MAN1A1: variants seen among roughly 807,000 people sequenced by gnomAD.
The protein encoded by MAN1A1 is mannosyl-oligosaccharide 1,2-alpha-mannosidase IA.
A neutral mutation model predicts 70.8 loss-of-function variants in MAN1A1; 29 were observed. That is an observed-to-expected ratio of 0.41 (90% CI 0.31 to 0.56). The LOEUF (loss-of-function observed/expected upper bound fraction) is 0.56. Ranked by LOEUF, MAN1A1 falls within the 20% of genes least tolerant of loss-of-function variation. The pLI is 0.29. For missense variants in MAN1A1, 747 were observed against 841.3 expected (o/e 0.89, Z 1.39); for synonymous variants, 349 against 330.1 (o/e 1.06, Z -0.62).
rs533789029 is a variant in MAN1A1, at chr6:119,339,512, G to A, written c.603+8951C>T. On this transcript the variant is annotated intron_variant, in intron 2 of 12. Transcript: ENST00000368468. Reference sequence around the variant, plus strand: ...ATATATAGTGTGGTTATAACCCGGCGTCGGGGGGTGGGAACGAACTTACAT... The same window carrying A: ...ATATATAGTGTGGTTATAACCCGGCATCGGGGGGTGGGAACGAACTTACAT... 9.9e-5 allele frequency among the ~76,000 whole-genome samples: 15 copies of A among 152,244 alleles called. No individual in the cohort carries two copies. The East Asian group carries it at 2.3e-3, about 23-fold the overall frequency.
intron 2 of MAN1A1, among the ~76,000 whole-genome samples, chr6:119,341,404 A>G (rs1773590898): frequency 6.6e-6 from 1 of 152,166 alleles, no homozygotes; most frequent in African/African-American, 2.4e-5. Context: ...TTCTCATTAG[A>G]GTCAAGATTA....
chr6:119,221,775 T>G (rs1006658062), intron 6 of MAN1A1, among the ~76,000 whole-genome samples: 1 of 152,110 alleles, frequency 6.6e-6, no homozygotes, highest in Non-Finnish European at 1.5e-5. Context: ...TTTCCAAAAC[T>G]TTATTTTTAA....
At chr6:119,229,965 G>A (rs1206360964) in intron 6 of MAN1A1, among the ~76,000 whole-genome samples, 1 of 152,136 alleles carries the variant, frequency 6.6e-6, no homozygotes, top group Non-Finnish European at 1.5e-5. Context: ...AAACTTGCTA[G>A]CTGTGTCAAA....
intron 5 of MAN1A1, among the ~76,000 whole-genome samples, chr6:119,256,495 A>C (rs1455838400): frequency 6.6e-6 from 1 of 151,652 alleles, no homozygotes; most frequent in Admixed American, 6.6e-5. Flanking sequence ...TTAAGGAGGC[A>C]AGATGAAAAA....
chr6:119,257,846 A>C (rs866240117), intron 5 of MAN1A1, among the ~76,000 whole-genome samples: 1 of 152,160 alleles, frequency 6.6e-6, no homozygotes, highest in Admixed American at 6.5e-5. Context: ...TACAGCAAGA[A>C]CACCACAGTA....
At chr6:119,334,470 C>T (rs1253540411) in intron 2 of MAN1A1, among the ~76,000 whole-genome samples, 2 of 152,152 alleles carry the variant, frequency 1.3e-5, no homozygotes, top group Non-Finnish European at 2.9e-5. Context: ...AAGACTAAAA[C>T]AGCCAAAATG....
intron 5 of MAN1A1, among the ~76,000 whole-genome samples, chr6:119,276,166 GTT>G (rs1776058733): frequency 6.6e-6 from 1 of 152,032 alleles, no homozygotes. Flanking sequence ...ACCCTTCTAT[GTT>G]ATTCAGACTG....
chr6:119,330,874 T>C (rs1414200265), intron 2 of MAN1A1, among the ~76,000 whole-genome samples: 1 of 152,142 alleles, frequency 6.6e-6, no homozygotes, highest in Non-Finnish European at 1.5e-5. Flanking sequence ...CAGAGTTATG[T>C]TCTACTCCAG....
intron 5 of MAN1A1, among the ~76,000 whole-genome samples, chr6:119,280,883 G>A (rs927844826): frequency 6.6e-6 from 1 of 152,184 alleles, no homozygotes; most frequent in East Asian, 1.9e-4. Context: ...AATGAGAAGT[G>A]ACTGACCTAG....
chr6:119,242,134 G>GACAGACACACACACAC (rs1554207759), intron 6 of MAN1A1, among the ~76,000 whole-genome samples: 11 of 150,526 alleles, frequency 7.3e-5, no homozygotes, highest in African/African-American at 2.5e-4. Flanking sequence ...CAGACAGACA[G>GACAGACACACACACAC]ACACACACAC....
intron 6 of MAN1A1, among the ~76,000 whole-genome samples, chr6:119,206,248 G>A (rs1165425300): frequency 6.6e-6 from 1 of 152,188 alleles, no homozygotes; most frequent in African/African-American, 2.4e-5. Context: ...GGTCTTAATG[G>A]CTTGTGGAAT....
rs936352321 is a variant in MAN1A1, at chr6:119,193,852, C to T, written c.1251G>A (p.Glu417=). Residue 417 remains glutamate (E), a synonymous_variant, in exon 9 of 13, where the codon GAG becomes GAA. Coordinates refer to ENST00000368468, the MANE Select transcript of MAN1A1 (RefSeq NM_005907.4). ...ACATTAACCAGGCCTTCAGCAAATA[C>T]TCATAGAAGCTGTCTCCAAGTCCTC... ...SVGGLGDSFY[E]YLLKAWLMSD... 5.6e-6 allele frequency: 9 copies of T among 1,613,366 alleles called. No individual in the cohort carries two copies. Among genetic ancestry groups the T allele is most frequent in the African/African-American group, 1.3e-5 (1 of 74,918 alleles).
At chr6:119,189,634 G>C (rs1475354053) in intron 10 of MAN1A1, 30 bp downstream of exon 10, 2 of 1,598,346 alleles carry the variant, frequency 1.3e-6, no homozygotes, top group South Asian at 1.1e-5. Flanking sequence ...TGTGGGAATA[G>C]ACCATAAATG....
intron 7 of MAN1A1, among the ~76,000 whole-genome samples, chr6:119,203,904 T>C (rs1241686680): frequency 6.6e-6 from 1 of 152,022 alleles, no homozygotes; most frequent in Non-Finnish European, 1.5e-5. Context: ...AGAGATGGTA[T>C]GTAAAGCCCA....
At chr6:119,293,343 C>A (rs1231175436) in intron 4 of MAN1A1, among the ~76,000 whole-genome samples, 1 of 152,094 alleles carries the variant, frequency 6.6e-6, no homozygotes, top group Non-Finnish European at 1.5e-5. Context: ...TTATCTTGTA[C>A]TGTACGATAT....
chr6:119,263,450 T>A (rs532492027), intron 5 of MAN1A1, among the ~76,000 whole-genome samples: 1 of 152,032 alleles, frequency 6.6e-6, no homozygotes, highest in African/African-American at 2.4e-5. Flanking sequence ...GAGCTAAACA[T>A]TGAGTACATA....
intron 8 of MAN1A1, among the ~76,000 whole-genome samples, chr6:119,194,773 T>C (rs976774565): frequency 6.7e-6 from 1 of 149,646 alleles, no homozygotes; most frequent in Non-Finnish European, 1.5e-5. Context: ...CCATTTATCA[T>C]GCCAGATCCA....
intron 5 of MAN1A1, among the ~76,000 whole-genome samples, chr6:119,273,677 GT>G: frequency 1.3e-5 from 2 of 151,918 alleles, no homozygotes; most frequent in African/African-American, 4.8e-5. Context: ...TACAGCACTT[GT>G]TTTTTTTCTT....
chr6:119,248,670 T>C (rs1365083482), intron 5 of MAN1A1, among the ~76,000 whole-genome samples: 1 of 152,172 alleles, frequency 6.6e-6, no homozygotes, highest in Non-Finnish European at 1.5e-5. Flanking sequence ...GATCAGGATT[T>C]TAAAAGCATC....
Sources: allele counts gnomAD v4.1 joint callset (sites outside exome capture counted in the v4.1 genomes callset), GRCh38; gene constraint gnomAD v4.1.1; transcripts MANE v1.5; gene names NCBI Gene and HGNC (gene_info 2026-07-23, HGNC 2026-07-21).